SEMA3A: variants seen among roughly 807,000 people sequenced by gnomAD.
SEMA3A encodes the protein semaphorin-3A.
Under a neutral mutation model 97.9 loss-of-function variants are expected in SEMA3A, and 29 were observed. The ratio of observed to expected loss-of-function variants is 0.30; its 90% CI spans 0.22 to 0.40. The LOEUF is 0.40. Ranked by LOEUF, SEMA3A falls within the 10% of genes least tolerant of loss-of-function variation. The pLI, the probability that SEMA3A is intolerant of heterozygous loss-of-function variation, is 1.00. For missense variants in SEMA3A, 763 were observed against 951.3 expected, an observed-to-expected ratio of 0.80 and a Z score of 2.60; for synonymous variants, 321 against 323.7, an observed-to-expected ratio of 0.99 and a Z score of 0.09.
intron 4 of SEMA3A, among the ~76,000 whole-genome samples, chr7:84,104,037 G>A (rs1338361185): frequency 1.3e-5 from 2 of 152,014 alleles, no homozygotes; most frequent in African/African-American, 4.8e-5. Flanking sequence ...TCTCACCCCA[G>A]TAAATGTAAA....
chr7:83,998,335 C>T (rs1430111825), intron 12 of SEMA3A, among the ~76,000 whole-genome samples: 2 of 152,082 alleles, frequency 1.3e-5, no homozygotes, highest in Non-Finnish European at 2.9e-5. Context: ...AATGATAACA[C>T]AATAGTAAGT....
intron 3 of SEMA3A, among the ~76,000 whole-genome samples, chr7:84,116,370 T>G (rs532386491): frequency 1.1e-4 from 16 of 152,264 alleles, no homozygotes; most frequent in African/African-American, 3.9e-4. Flanking sequence ...CAAGTTTAGT[T>G]GCTTTAAAAG....
intron 3 of SEMA3A, among the ~76,000 whole-genome samples, chr7:84,282,396 T>G (rs144998523): frequency 2.0e-5 from 3 of 152,296 alleles, no homozygotes; most frequent in African/African-American, 7.2e-5. Context: ...ATTTTTTATG[T>G]TAGCAATTAA....
At chr7:84,045,576 G>C (rs575364506) in intron 6 of SEMA3A, among the ~76,000 whole-genome samples, 19 of 151,680 alleles carry the variant, frequency 1.3e-4, no homozygotes, top group African/African-American at 4.6e-4. Flanking sequence ...TTTTGAATAA[G>C]AGTAGTATTT....
intron 3 of SEMA3A, among the ~76,000 whole-genome samples, chr7:84,267,532 T>G (rs1461788530): frequency 1.3e-5 from 2 of 152,132 alleles, no homozygotes; most frequent in Non-Finnish European, 2.9e-5. Context: ...TCTTTAAAAA[T>G]GTAATTTTTT....
Position 84,024,827 on chromosome 7 carries a change from C to A in SEMA3A, c.668-10476G>T, listed in dbSNP as rs189304519. Among the ~76,000 whole-genome samples the A allele has an allele frequency of 4.3e-3, 661 of 152,230 alleles. 5 individuals carry two copies. The highest frequency in any genetic ancestry group is 0.015 in the African/African-American group (629 of 41,548). On this transcript the variant is annotated intron_variant, in intron 6 of 16. Transcript: ENST00000265362. The stretch of plus-strand genomic sequence containing the variant: ...ATAAGATCAGGTGCGGTGGCTCATG[C>A]CTGTAATCCCAGAACTTTGGGAGGC...
intron 3 of SEMA3A, among the ~76,000 whole-genome samples, chr7:84,201,994 C>T (rs1456439745): frequency 1.3e-5 from 2 of 152,166 alleles, no homozygotes; most frequent in East Asian, 1.9e-4. Flanking sequence ...TTCTCACATA[C>T]ACTTTGCCAT....
chr7:84,012,029 A>G (rs1308176367), intron 7 of SEMA3A, among the ~76,000 whole-genome samples: 1 of 152,182 alleles, frequency 6.6e-6, no homozygotes, highest in Non-Finnish European at 1.5e-5. Flanking sequence ...GTGGAATATA[A>G]GAAGCTGAAC....
chr7:84,214,398 C>A (rs1224079654), intron 3 of SEMA3A, among the ~76,000 whole-genome samples: 5 of 152,124 alleles, frequency 3.3e-5, no homozygotes. Context: ...ATTCATCTCC[C>A]TTGTGAAATT....
At chr7:84,322,102 C>T (rs955416298) in intron 2 of SEMA3A, among the ~76,000 whole-genome samples, 3 of 151,356 alleles carry the variant, frequency 2.0e-5, no homozygotes, top group Non-Finnish European at 4.4e-5. Context: ...CATCAGATCT[C>T]ATGAGAACTC....
At chr7:83,961,945 A>G in intron 16 of SEMA3A, 119 bp from the exon 17 acceptor site, 1 of 660,610 alleles carries the variant, frequency 1.5e-6, no homozygotes, top group Non-Finnish European at 2.4e-6. Context: ...ACAGTTAATA[A>G]AAATTTTTAA....
intron 3 of SEMA3A, among the ~76,000 whole-genome samples, chr7:84,225,663 C>A (rs1417818946): frequency 6.6e-6 from 1 of 152,000 alleles, no homozygotes; most frequent in East Asian, 1.9e-4. Context: ...ACCCCGAGGG[C>A]CAAATGTAAA....
At chr7:84,408,733 T>C (rs1352314866) in intron 1 of SEMA3A, among the ~76,000 whole-genome samples, 1 of 151,730 alleles carries the variant, frequency 6.6e-6, no homozygotes, top group Non-Finnish European at 1.5e-5. Context: ...GATGAGTTCA[T>C]GTCCTTTGTA....
chr7:84,441,051 G>A (rs1282528087), intron 1 of SEMA3A, among the ~76,000 whole-genome samples: 1 of 152,022 alleles, frequency 6.6e-6, no homozygotes, highest in Admixed American at 6.6e-5. Context: ...CCAGCTACTG[G>A]AGAGGCTGAG....
At chr7:84,349,414 G>T (rs1287151686) in intron 2 of SEMA3A, among the ~76,000 whole-genome samples, 1 of 152,134 alleles carries the variant, frequency 6.6e-6, no homozygotes, top group Admixed American at 6.6e-5. Flanking sequence ...TGCTCTCATG[G>T]AGATTAAATT....
intron 6 of SEMA3A, among the ~76,000 whole-genome samples, chr7:84,039,467 G>A (rs1217173727): frequency 2.0e-5 from 3 of 152,040 alleles, no homozygotes; most frequent in Non-Finnish European, 4.4e-5. Context: ...GTTCAAAGGT[G>A]GAAACACTTA....
chr7:84,025,538 G>T (rs181397659), intron 6 of SEMA3A, among the ~76,000 whole-genome samples: 68 of 152,220 alleles, frequency 4.5e-4, no homozygotes, highest in Non-Finnish European at 8.8e-4. Context: ...TATCATTTTT[G>T]GCTGTGGAAT....
Position 84,011,054 on chromosome 7 carries a change from A to G in SEMA3A, c.963T>C (p.Asn321=). 2 of 1,612,114 alleles carry G rather than the reference A, an allele frequency of 1.2e-6. No homozygotes were observed. Among genetic ancestry groups the G allele is most frequent in the Non-Finnish European group, 8.5e-7 (1 of 1,178,600 alleles). ...TCGTAAACACTCCATATACAACTGG[A>G]TTTTTAGGATCTTTAAAGTTCATTA... The part of the protein sequence containing the change: ...VFLMNFKDPK[N]PVVYGVFTTS... The change falls in exon 9 of 17, where the codon AAT becomes AAC. Residue 321 remains asparagine, a synonymous_variant. Transcript: ENST00000265362.
intron 2 of SEMA3A, among the ~76,000 whole-genome samples, chr7:84,370,354 C>A (rs1802944015): frequency 1.3e-5 from 2 of 151,658 alleles, no homozygotes; most frequent in Non-Finnish European, 3.0e-5. Flanking sequence ...AGAGAATGAG[C>A]AATGTGTGTA....
Sources: gnomAD v4.1 joint callset for allele counts (sites outside exome capture counted in the v4.1 genomes callset) on GRCh38, gnomAD v4.1.1 for gene constraint, MANE v1.5 for transcripts, NCBI Gene and HGNC (gene_info 2026-07-23, HGNC 2026-07-21) for gene names.